LAMA4: variants seen among roughly 807,000 people sequenced by gnomAD.
LAMA4 encodes laminin subunit alpha 4.
LAMA4 carries 127 observed loss-of-function variants against 207.1 expected under a neutral mutation model. That is an observed-to-expected ratio of 0.61 (90% CI 0.53 to 0.71). The LOEUF is 0.71. LAMA4 is among the 30% of genes least tolerant of loss of function. The pLI is 0.00. For missense variants in LAMA4, 2,093 were observed against 2,246.5 expected (o/e 0.93, Z 1.38); for synonymous variants, 761 against 816.0 (o/e 0.93, Z 1.15).
At chr6:112,242,219 AGT>A (rs1309599070) in intron 2 of LAMA4, among the ~76,000 whole-genome samples, 1 of 152,098 alleles carries the variant, frequency 6.6e-6, no homozygotes, top group Non-Finnish European at 1.5e-5. Flanking sequence ...CTGAGCACCC[AGT>A]GTGTGTGTGC....
At chr6:112,149,553 T>A (rs1780249927) in intron 17 of LAMA4, among the ~76,000 whole-genome samples, 1 of 152,180 alleles carries the variant, frequency 6.6e-6, no homozygotes, top group African/African-American at 2.4e-5. Flanking sequence ...TCATTCTCTC[T>A]CCTGTCACCC....
intron 38 of LAMA4, among the ~76,000 whole-genome samples, chr6:112,113,655 A>G (rs1430740417): frequency 4.6e-5 from 7 of 152,228 alleles, no homozygotes; most frequent in African/African-American, 1.7e-4. Flanking sequence ...TGCAGTTCAG[A>G]CTAATCATGG....
intron 3 of LAMA4, among the ~76,000 whole-genome samples, chr6:112,211,512 T>C (rs1554356638): frequency 6.6e-6 from 1 of 152,246 alleles, no homozygotes; most frequent in Non-Finnish European, 1.5e-5. Context: ...ACCTGGTTCC[T>C]GCCTTTGAGT....
intron 2 of LAMA4, among the ~76,000 whole-genome samples, chr6:112,241,152 T>TATATATAC (rs1554187614): frequency 1.0e-5 from 1 of 98,486 alleles, no homozygotes; most frequent in Non-Finnish European, 2.0e-5. Context: ...TATATATGAA[T>TATATATAC]ATATATATGA....
rs1562714330 is a variant in LAMA4 at position 112,190,928 on chromosome 6, TTTCTTTCTTTCTTTCTTTCC to T, written c.718+688_718+707del. Among the ~76,000 whole-genome samples, 57 of 100,618 alleles carry T rather than the reference TTTCTTTCTTTCTTTCTTTCC, an allele frequency of 5.7e-4. 1 individual carries two copies. The South Asian group carries it at 6.6e-3, about 12-fold the overall frequency. The allele number at this position is 100,618 out of a possible 152,430, so 66.0% of individuals were successfully genotyped here. A position where few individuals can be genotyped will look rare whatever the true frequency, so the allele number is the denominator to read the frequency against. On this transcript the variant is annotated intron_variant, in intron 6 of 38. Coordinates refer to ENST00000230538, the MANE Select transcript of LAMA4 (RefSeq NM_001105206.3). ...CTTTCTTTCTTTCTTTCTTTCTTTC[TTTCTTTCTTTCTTTCTTTCC>T]TTTCTTTCTTTCTTTCTTTCTTTCT...
In LAMA4 at chr6:112,121,057, G is replaced by A. The variant is rs180896602; in HGVS notation, c.4476-585C>T. 1.5e-3 allele frequency among the ~76,000 whole-genome samples: 225 copies of A among 151,846 alleles called. 2 individuals carry two copies. Among genetic ancestry groups the A allele is most frequent in the Admixed American group, 0.014 (218 of 15,248 alleles). ...CCACTGCCCTCCAGCCTGGGTGACA[G>A]AGCAAGCAAGACCTTGTCTCAAAAA... On this transcript the variant is annotated intron_variant, in intron 32 of 38. Coordinates refer to ENST00000230538, the MANE Select transcript of LAMA4 (RefSeq NM_001105206.3).
At chr6:112,241,126 TGAA>T (rs1786409855) in intron 2 of LAMA4, among the ~76,000 whole-genome samples, 1 of 120,098 alleles carries the variant, frequency 8.3e-6, no homozygotes. Context: ...AATATATATA[TGAA>T]TATATAGGAA....
At chr6:112,211,397 A>C (rs2115039628) in intron 3 of LAMA4, among the ~76,000 whole-genome samples, 1 of 152,336 alleles carries the variant, frequency 6.6e-6, no homozygotes, top group East Asian at 1.9e-4. Context: ...TTTTGCATTT[A>C]GGGTAGCTTG....
At chr6:112,185,978 G>C (rs1486155054) in intron 8 of LAMA4, among the ~76,000 whole-genome samples, 1 of 152,068 alleles carries the variant, frequency 6.6e-6, no homozygotes, top group Non-Finnish European at 1.5e-5. Context: ...TGACTCCCCT[G>C]GGGGGTAGTG....
intron 9 of LAMA4, among the ~76,000 whole-genome samples, chr6:112,183,173 C>G (rs782782397): frequency 4.2e-4 from 64 of 152,216 alleles, no homozygotes; most frequent in African/African-American, 1.5e-3. Flanking sequence ...CTCCTTTACT[C>G]TATTTAAAGC....
chr6:112,138,438 T>C (rs1583686404), intron 24 of LAMA4, among the ~76,000 whole-genome samples: 2 of 152,160 alleles, frequency 1.3e-5, no homozygotes, highest in Admixed American at 1.3e-4. Context: ...CACAAAGAGT[T>C]TAAGGATTTT....
chr6:112,157,275 GATGTACCAAAGATC>G (rs1780774185), intron 14 of LAMA4, among the ~76,000 whole-genome samples: 1 of 152,016 alleles, frequency 6.6e-6, no homozygotes, highest in Non-Finnish European at 1.5e-5. Context: ...AGAGTGGTAA[GATGTACCAAAGATC>G]ATGAAACAAA....
chr6:112,155,060 T>A, intron 15 of LAMA4, 113 bp from the exon 16 acceptor site: 2 of 773,946 alleles, frequency 2.6e-6, no homozygotes, highest in Non-Finnish European at 4.6e-6. Context: ...CAAAATGCAT[T>A]TAGCTTTATT....
chr6:112,153,446 C>T (rs1416769973), intron 16 of LAMA4, among the ~76,000 whole-genome samples: 3 of 152,050 alleles, frequency 2.0e-5, no homozygotes, highest in Non-Finnish European at 4.4e-5. Context: ...GCAAAATATT[C>T]AAACAGGCTA....
Position 112,141,456 on chromosome 6 carries a change from T to C in LAMA4, c.2715A>G (p.Val905=). The change falls in exon 21 of 39, where the codon GTA becomes GTG. Residue 905 remains valine, a synonymous_variant. Transcript: ENST00000230538. The part of the protein sequence containing the change: ...MGLAIKNDNL[V]YVYNLGTKDV... ...CTTTAGTTCCCAAATTATAGACGTA[T>C]ACCAGATTATCATTTTTGATTGCAA... The C allele has an allele frequency of 3.1e-6, 5 of 1,611,384 alleles. No homozygotes were observed. Among genetic ancestry groups the C allele is most frequent in the Non-Finnish European group, 4.2e-6 (5 of 1,177,476 alleles).
In LAMA4 at chr6:112,253,972, A is replaced by G; in HGVS notation, c.179T>C (p.Leu60Pro). The change falls in exon 2 of 39, where the codon CTG becomes CCG. Residue 60 changes from leucine to proline, a missense_variant. This residue lies in a region of LAMA4 where 1,704 missense variants were observed against 1,788.4 expected (regional missense o/e 0.95). Transcript: ENST00000230538. ...TSEPRVALGR[L>P]PPAAEKCNAG... is the part of the protein sequence containing the mutation. ...ACACTGTACCTCGGCCGCAGGCGGC[A>G]GGCGTCCCAGAGCCACGCGGGGTTC... 6.3e-7 allele frequency: 1 copy of G among 1,589,310 alleles called. No homozygotes were observed. Among genetic ancestry groups the G allele is most frequent in the African/African-American group, 1.3e-5 (1 of 74,472 alleles).
intron 32 of LAMA4, among the ~76,000 whole-genome samples, chr6:112,121,590 T>C (rs1421848639): frequency 3.3e-5 from 5 of 152,134 alleles, no homozygotes; most frequent in Non-Finnish European, 7.3e-5. Context: ...AGCTGGAGGG[T>C]CATAGACATA....
intron 8 of LAMA4, among the ~76,000 whole-genome samples, chr6:112,186,209 A>C (rs1782674257): frequency 6.6e-6 from 1 of 152,212 alleles, no homozygotes; most frequent in Non-Finnish European, 1.5e-5. Flanking sequence ...CAATTCACTG[A>C]ATTCTCTCAA....
intron 12 of LAMA4, among the ~76,000 whole-genome samples, chr6:112,170,663 T>C (rs1217738060): frequency 6.6e-6 from 1 of 152,218 alleles, no homozygotes; most frequent in African/African-American, 2.4e-5. Flanking sequence ...GTTGTTACTT[T>C]GTGTCAGACA....
Sources: gnomAD v4.1 joint callset for allele counts (sites outside exome capture counted in the v4.1 genomes callset) on GRCh38, gnomAD v4.1.1 for gene constraint, gnomAD v4.1.1 regional missense constraint, MANE v1.5 for transcripts, NCBI Gene and HGNC (gene_info 2026-07-23, HGNC 2026-07-21) for gene names.